The following WWOX variants were observed in gnomAD, a reference collection of about 807,000 sequenced individuals.
The protein encoded by WWOX is WW domain-containing oxidoreductase.
Under a neutral mutation model 46.2 loss-of-function variants are expected in WWOX, and 69 were observed. That is an observed-to-expected ratio of 1.49 (90% confidence interval 1.23 to 1.82). WWOX has a LOEUF of 1.82. WWOX is among the 40% of genes most tolerant of loss of function. WWOX has a pLI of 0.00. For missense variants in WWOX, 919 were observed against 542.6 expected, an observed-to-expected ratio of 1.69 and a Z score of -6.89; for synonymous variants, 359 against 202.6, an observed-to-expected ratio of 1.77 and a Z score of -6.56.
chr16:78,361,939 A>T (rs1045232219), intron 5 of WWOX, among the ~76,000 whole-genome samples: 8 of 139,524 alleles, frequency 5.7e-5, no homozygotes, highest in South Asian at 2.3e-4. Context: ...TGATTCAATT[A>T]CTTTATATTA....
rs2051488997 is a variant in WWOX, at chr16:78,821,390, CT to C, written c.1056+388641del. Among the ~76,000 whole-genome samples the C allele has an allele frequency of 2.6e-5, 4 of 152,182 alleles. No individual in the cohort carries two copies. The South Asian group carries it at 8.3e-4, about 32-fold the overall frequency. On this transcript the variant is annotated intron_variant, in intron 8 of 8. Transcript: ENST00000566780. ...TGTATGTGGCCTCTGGTTTATCCTTCTTTCCCCCTGCTCACCACATGGCTTC... is the reference window on the plus strand; with the variant it reads ...TGTATGTGGCCTCTGGTTTATCCTTCTTCCCCCTGCTCACCACATGGCTTC...
Position 78,574,840 on chromosome 16 carries a change from A to G in WWOX, c.1056+142088A>G, listed in dbSNP as rs189619711. On this transcript the variant is annotated intron_variant, in intron 8 of 8. Coordinates refer to ENST00000566780, the MANE Select transcript of WWOX (RefSeq NM_016373.4). ...GGGAGGTGTTGATCTAAGGGTTCAA[A>G]CTTCTCGTTAATAATAAACCAGTTC... is the stretch of plus-strand genomic sequence containing the variant. 3.8e-3 allele frequency among the ~76,000 whole-genome samples: 570 copies of G among 149,574 alleles called. 5 individuals are homozygous for G. Among genetic ancestry groups the G allele is most frequent in the Non-Finnish European group, 4.7e-3 (318 of 67,398 alleles).
intron 5 of WWOX, among the ~76,000 whole-genome samples, chr16:78,181,040 C>T (rs773593399): frequency 2.6e-5 from 4 of 152,146 alleles, no homozygotes; most frequent in African/African-American, 4.8e-5. Context: ...TAATATCCTT[C>T]TTCCTTTTTG....
chr16:78,589,959 G>C (rs908196466), intron 8 of WWOX, among the ~76,000 whole-genome samples: 3 of 152,150 alleles, frequency 2.0e-5, no homozygotes, highest in Admixed American at 2.0e-4. Context: ...ATTAGTGACA[G>C]GTTATCTTCT....
chr16:78,788,506 C>T lies in WWOX; in HGVS notation c.1056+355754C>T, dbSNP rs2050512650. Among the ~76,000 whole-genome samples the T allele has an allele frequency of 2.0e-5, 3 of 152,258 alleles. No individual in the cohort carries two copies. In the South Asian group the frequency reaches 6.2e-4, roughly 32 times the overall value. ...GACCTCATGAAGCTCCCATAAAAAC[C>T]CAAGAGGGCTGGGTTTGGGAGCTTC... On this transcript the variant is annotated intron_variant, in intron 8 of 8. Coordinates refer to ENST00000566780, the MANE Select transcript of WWOX (RefSeq NM_016373.4).
intron 8 of WWOX, among the ~76,000 whole-genome samples, chr16:78,889,866 T>C (rs902168388): frequency 4.6e-5 from 7 of 152,222 alleles, no homozygotes; most frequent in Non-Finnish European, 1.0e-4. Context: ...AGAAAGTCCA[T>C]AGTTTATGAT....
intron 5 of WWOX, among the ~76,000 whole-genome samples, chr16:78,241,893 A>T (rs2037662687): frequency 6.6e-6 from 1 of 152,120 alleles, no homozygotes; most frequent in Non-Finnish European, 1.5e-5. Flanking sequence ...TGGCAGCGTC[A>T]CGTAGTAGCC....
At chr16:78,551,188 A>C (rs1242901585) in intron 8 of WWOX, 1 of 152,188 alleles carries the variant, frequency 6.6e-6, no homozygotes, top group African/African-American at 2.4e-5. Flanking sequence ...AAATATCGTG[A>C]ATATATTCCA....
intron 4 of WWOX, among the ~76,000 whole-genome samples, chr16:78,150,356 C>G (rs370472083): frequency 1.6e-4 from 24 of 152,140 alleles, no homozygotes; most frequent in African/African-American, 5.8e-4. Context: ...GCTCTCCAAA[C>G]CCTATCGTTT....
intron 5 of WWOX, among the ~76,000 whole-genome samples, chr16:78,240,678 C>G (rs1010737058): frequency 2.0e-5 from 3 of 152,070 alleles, no homozygotes; most frequent in African/African-American, 7.2e-5. Context: ...CTCCTGTGTT[C>G]GCAACTGTCA....
chr16:79,150,364 C>G lies in WWOX; in HGVS notation c.1057-61244C>G, dbSNP rs372575542. Among the ~76,000 whole-genome samples, 7 of 152,270 alleles carry G rather than the reference C, an allele frequency of 4.6e-5. No homozygotes were observed. In the South Asian group the frequency reaches 1.5e-3, roughly 32 times the overall value. On this transcript the variant is annotated intron_variant, in intron 8 of 8. Transcript: ENST00000566780. ...TGGAGATAAAGCCCTGTTAATAATT[C>G]ATAATTATATAGCATAGCATAGGGC...
intron 8 of WWOX, among the ~76,000 whole-genome samples, chr16:79,040,967 G>C (rs1244073022): frequency 6.6e-6 from 1 of 152,046 alleles, no homozygotes; most frequent in Admixed American, 6.6e-5. Flanking sequence ...GGGGGACAAT[G>C]AGGTGGTTCC....
At chr16:79,136,238 T>C (rs1012754518) in intron 8 of WWOX, among the ~76,000 whole-genome samples, 2 of 151,886 alleles carry the variant, frequency 1.3e-5, no homozygotes, top group Non-Finnish European at 2.9e-5. Context: ...CTTCTTCTTT[T>C]TTTTTTTTTT....
intron 5 of WWOX, among the ~76,000 whole-genome samples, chr16:78,247,629 C>G (rs1467656679): frequency 2.0e-5 from 3 of 152,176 alleles, no homozygotes; most frequent in Admixed American, 2.0e-4. Context: ...CCCCCTGCCC[C>G]TTATAAAAGC....
At chr16:78,216,400 T>C (rs917691090) in intron 5 of WWOX, among the ~76,000 whole-genome samples, 1 of 152,188 alleles carries the variant, frequency 6.6e-6, no homozygotes, top group Non-Finnish European at 1.5e-5. Flanking sequence ...TTATCACCAG[T>C]GTAGCACCTA....
chr16:78,722,956 T>G (rs573571843), intron 8 of WWOX, among the ~76,000 whole-genome samples: 1 of 152,166 alleles, frequency 6.6e-6, no homozygotes, highest in African/African-American at 2.4e-5. Flanking sequence ...GCAGGAAGAT[T>G]GCTTGAGCCC....
At chr16:79,062,129 C>T (rs914614122) in intron 8 of WWOX, among the ~76,000 whole-genome samples, 6 of 152,160 alleles carry the variant, frequency 3.9e-5, no homozygotes, top group African/African-American at 1.2e-4. Context: ...AATGACTGGC[C>T]ACCCCAGACT....
At chr16:79,147,182 C>G (rs112297997) in intron 8 of WWOX, among the ~76,000 whole-genome samples, 2,146 of 152,248 alleles carry the variant, frequency 0.014, 28 homozygotes, top group East Asian at 0.029. Context: ...ACAACTACAT[C>G]AAGACAGTGA....
chr16:78,461,636 G>A (rs1256924383), intron 8 of WWOX, among the ~76,000 whole-genome samples: 1 of 152,198 alleles, frequency 6.6e-6, no homozygotes, highest in Non-Finnish European at 1.5e-5. Flanking sequence ...TCACAGACAT[G>A]CACAGCTCAA....
Sources: allele counts gnomAD v4.1 joint callset (sites outside exome capture counted in the v4.1 genomes callset), GRCh38; gene constraint gnomAD v4.1.1; transcripts MANE v1.5; gene names NCBI Gene and HGNC (gene_info 2026-07-23, HGNC 2026-07-21).